Variants in GNAZ observed in about 807,000 individuals in gnomAD.
GNAZ encodes G protein subunit alpha z.
Under a neutral mutation model 25.4 loss-of-function variants are expected in GNAZ, and 3 were observed. The ratio of observed to expected loss-of-function variants is 0.12; its 90% CI spans 0.05 to 0.30. GNAZ has a LOEUF of 0.30. Ranked by LOEUF, GNAZ falls within the 10% of genes least tolerant of loss-of-function variation. The probability of loss-of-function intolerance (pLI) is 1.00; values close to 1 mark genes in which losing one functional copy is unlikely to be tolerated. For missense variants in GNAZ, 241 were observed against 501.8 expected, an observed-to-expected ratio of 0.48 and a Z score of 4.97; for synonymous variants, 211 against 205.7, an observed-to-expected ratio of 1.03 and a Z score of -0.22.
At chr22:23,082,270 G>A (rs2068703465) in intron 1 of GNAZ, among the ~76,000 whole-genome samples, 1 of 150,350 alleles carries the variant, frequency 6.7e-6, no homozygotes, top group Non-Finnish European at 1.5e-5. Flanking sequence ...AGGCTGGAGT[G>A]TAATGGCGCG....
intron 2 of GNAZ, among the ~76,000 whole-genome samples, chr22:23,121,089 G>A (rs999561493): frequency 2.6e-5 from 4 of 152,160 alleles, no homozygotes; most frequent in Non-Finnish European, 5.9e-5. Flanking sequence ...TTGGGAATGT[G>A]CAGCCAGGTT....
chr22:23,091,326 C>T (rs533017949), intron 1 of GNAZ, among the ~76,000 whole-genome samples: 1 of 152,248 alleles, frequency 6.6e-6, no homozygotes, highest in East Asian at 1.9e-4. Flanking sequence ...ACACATACCG[C>T]AATGGACCTG....
chr22:23,086,336 C>G (rs2068819810), intron 1 of GNAZ, among the ~76,000 whole-genome samples: 1 of 152,212 alleles, frequency 6.6e-6, no homozygotes, highest in African/African-American at 2.4e-5. Flanking sequence ...ATTTCTACAG[C>G]CGTAAAGCCG....
intron 1 of GNAZ, among the ~76,000 whole-genome samples, chr22:23,087,836 C>G (rs1282242519): frequency 6.6e-6 from 1 of 152,186 alleles, no homozygotes; most frequent in Non-Finnish European, 1.5e-5. Flanking sequence ...AGTGCAGGGT[C>G]TGCAATATTT....
At chr22:23,121,391 C>T (rs1044186099) in intron 2 of GNAZ, among the ~76,000 whole-genome samples, 1 of 152,176 alleles carries the variant, frequency 6.6e-6, no homozygotes, top group Admixed American at 6.5e-5. Context: ...CTCTGGAGAG[C>T]AGGGTTTCTA....
chr22:23,085,944 C>T (rs1321580374), intron 1 of GNAZ, among the ~76,000 whole-genome samples: 1 of 152,274 alleles, frequency 6.6e-6, no homozygotes, highest in African/African-American at 2.4e-5. Flanking sequence ...GGCTCTCACA[C>T]CCTCCAGCAG....
At chr22:23,085,565 G>A (rs1225247963) in intron 1 of GNAZ, among the ~76,000 whole-genome samples, 1 of 152,194 alleles carries the variant, frequency 6.6e-6, no homozygotes, top group African/African-American at 2.4e-5. Context: ...ACTGAGCCAG[G>A]GAGAGGGTGA....
intron 1 of GNAZ, among the ~76,000 whole-genome samples, chr22:23,095,006 C>T (rs1447280309): frequency 6.6e-6 from 1 of 152,208 alleles, no homozygotes; most frequent in Non-Finnish European, 1.5e-5. Flanking sequence ...CTCGCACACA[C>T]CCTCCTCTCC....
intron 1 of GNAZ, among the ~76,000 whole-genome samples, chr22:23,089,001 G>A (rs758403892): frequency 4.6e-5 from 7 of 152,200 alleles, no homozygotes; most frequent in Non-Finnish European, 8.8e-5. Context: ...CTCCCTGGGG[G>A]CAGGGTCTGT....
At chr22:23,082,625 C>T (rs2068715236) in intron 1 of GNAZ, among the ~76,000 whole-genome samples, 1 of 152,024 alleles carries the variant, frequency 6.6e-6, no homozygotes, top group Admixed American at 6.6e-5. Flanking sequence ...GCCACAGGGG[C>T]CAAGTATGAG....
intron 1 of GNAZ, among the ~76,000 whole-genome samples, chr22:23,091,067 C>T (rs2068957544): frequency 6.6e-6 from 1 of 152,206 alleles, no homozygotes; most frequent in Non-Finnish European, 1.5e-5. Flanking sequence ...CACATGCAAC[C>T]ACATGCAGAT....
At chr22:23,108,604 A>G (rs967425546) in intron 2 of GNAZ, among the ~76,000 whole-genome samples, 9 of 152,270 alleles carry the variant, frequency 5.9e-5, no homozygotes, top group Admixed American at 5.9e-4. Flanking sequence ...TGACCATGGT[A>G]GAATGGGAAG....
At chr22:23,117,887 C>G (rs529302635) in intron 2 of GNAZ, among the ~76,000 whole-genome samples, 9 of 152,314 alleles carry the variant, frequency 5.9e-5, no homozygotes, top group African/African-American at 1.9e-4. Context: ...CTCACCACCC[C>G]CACAACTAAC....
chr22:23,080,228 CAG>C (rs1354396368), intron 1 of GNAZ, among the ~76,000 whole-genome samples: 1 of 152,230 alleles, frequency 6.6e-6, no homozygotes, highest in Non-Finnish European at 1.5e-5. Flanking sequence ...CCTCCTGAGT[CAG>C]TGTTCCTCAG....
chr22:23,079,207 G>A (rs916333146), intron 1 of GNAZ, among the ~76,000 whole-genome samples: 3 of 152,230 alleles, frequency 2.0e-5, no homozygotes, highest in Admixed American at 1.3e-4. Context: ...ACCATGCTTG[G>A]GGCAAGGCAG....
intron 2 of GNAZ, among the ~76,000 whole-genome samples, chr22:23,111,679 G>A (rs1400492802): frequency 3.3e-5 from 5 of 152,246 alleles, no homozygotes; most frequent in Admixed American, 6.5e-5. Flanking sequence ...TCTCACTGCA[G>A]TTTGGTGGGA....
chr22:23,094,630 C>T (rs766180260), intron 1 of GNAZ, among the ~76,000 whole-genome samples: 3 of 152,230 alleles, frequency 2.0e-5, no homozygotes, highest in Non-Finnish European at 4.4e-5. Flanking sequence ...TGCTTAGGCA[C>T]CTCACGGTGC....
intron 2 of GNAZ, among the ~76,000 whole-genome samples, chr22:23,109,507 G>A (rs2069583150): frequency 6.6e-6 from 1 of 152,196 alleles, no homozygotes; most frequent in Non-Finnish European, 1.5e-5. Context: ...TCAAGACCAA[G>A]GGGACCCCAG....
rs916819964 is a variant in GNAZ at position 23,071,207 on chromosome 22, G to T, written c.-450+637G>T. 2.6e-5 allele frequency among the ~76,000 whole-genome samples: 4 copies of T among 152,192 alleles called. No individual in the cohort carries two copies. Among genetic ancestry groups the T allele is most frequent in the Non-Finnish European group, 5.9e-5 (4 of 68,026 alleles). ...CTCAATATTTTTTCCCTTAAAAGGC[G>T]GTGGGGGTGTTTGGGGGAGGGGAGT... On this transcript the variant is annotated intron_variant, in intron 1 of 2. Coordinates refer to ENST00000615612, the MANE Select transcript of GNAZ (RefSeq NM_002073.4). The surrounding 1 kb of genome is among the most constrained non-coding windows in gnomAD (Gnocchi z 4.1).
Sources: allele counts gnomAD v4.1 joint callset (sites outside exome capture counted in the v4.1 genomes callset), GRCh38; gene constraint gnomAD v4.1.1; non-coding constraint Gnocchi (gnomAD v3.1); transcripts MANE v1.5; gene names NCBI Gene and HGNC (gene_info 2026-07-23, HGNC 2026-07-21).